NFE2L2: variants seen among roughly 807,000 people sequenced by gnomAD.
NFE2L2 encodes the protein NFE2 like bZIP transcription factor 2, also known as nuclear factor erythroid 2-related factor 2.
NFE2L2 carries 20 observed loss-of-function variants against 49.6 expected under a neutral mutation model. The ratio of observed to expected loss-of-function variants is 0.40; its 90% CI spans 0.28 to 0.59. NFE2L2 has a LOEUF of 0.59. Among genes scored for constraint, NFE2L2 ranks in the 20% least tolerant of loss-of-function variants. The pLI, the probability that NFE2L2 is intolerant of heterozygous loss-of-function variation, is 0.40. For missense variants in NFE2L2, 578 were observed against 714.2 expected, an observed-to-expected ratio of 0.81 and a Z score of 2.17; for synonymous variants, 244 against 256.5, an observed-to-expected ratio of 0.95 and a Z score of 0.47.
In NFE2L2 at chr2:177,233,247, C is replaced by T. The variant is rs2105456710; in HGVS notation, c.402+3G>A. On this transcript the variant is annotated splice_donor_region_variant and intron_variant, in intron 3 of 4. Transcript: ENST00000397062. ...CTATTAACCAGGTTATTTTATACCT[C>T]ACCTCATTGTCATCTACAAACGGGA... is the stretch of plus-strand genomic sequence containing the variant. 1 of 1,582,676 alleles carries T rather than the reference C, an allele frequency of 6.3e-7. No individual in the cohort carries two copies. Among genetic ancestry groups the T allele is most frequent in the Non-Finnish European group, 8.5e-7 (1 of 1,170,310 alleles).
intron 1 of NFE2L2, among the ~76,000 whole-genome samples, chr2:177,262,617 G>C (rs1290904866): frequency 6.6e-6 from 1 of 152,098 alleles, no homozygotes; most frequent in East Asian, 1.9e-4. Context: ...TGATTACAAA[G>C]GTAGAAAAGC....
intron 1 of NFE2L2, among the ~76,000 whole-genome samples, chr2:177,248,408 C>T (rs1219230056): frequency 5.3e-5 from 8 of 152,208 alleles, no homozygotes; most frequent in African/African-American, 1.9e-4. Context: ...CTGACCTGTA[C>T]TCTGTTTCTT....
chr2:177,243,246 C>A (rs1479543521), intron 1 of NFE2L2, among the ~76,000 whole-genome samples: 2 of 152,170 alleles, frequency 1.3e-5, no homozygotes, highest in African/African-American at 4.8e-5. Flanking sequence ...CTTTACCAAA[C>A]CTCCATAGAA....
At chr2:177,256,280 G>A (rs1439058483) in intron 1 of NFE2L2, among the ~76,000 whole-genome samples, 1 of 152,010 alleles carries the variant, frequency 6.6e-6, no homozygotes, top group East Asian at 1.9e-4. Flanking sequence ...AGTCCCTCAG[G>A]CAGGGAATAG....
chr2:177,233,673 ACAGTAACGC>A (rs2105457346), intron 2 of NFE2L2: 7 of 505,018 alleles, frequency 1.4e-5, no homozygotes, highest in Non-Finnish European at 2.1e-5. Context: ...CTTGCCACAC[ACAGTAACGC>A]CAGTAATCCC....
chr2:177,240,237 A>C (rs901343154), intron 1 of NFE2L2, among the ~76,000 whole-genome samples: 1 of 152,238 alleles, frequency 6.6e-6, no homozygotes, highest in East Asian at 1.9e-4. Flanking sequence ...TCTTCTGCAC[A>C]GAAATCCAGG....
At chr2:177,241,526 G>A (rs1689936538) in intron 1 of NFE2L2, among the ~76,000 whole-genome samples, 2 of 152,146 alleles carry the variant, frequency 1.3e-5, no homozygotes, top group Non-Finnish European at 2.9e-5. Context: ...ATATGAGGCT[G>A]CAAAAATATT....
At position 177,231,630 on chromosome 2, in the gene NFE2L2, A is replaced by C. The variant is rs1469761584; in HGVS notation, c.973T>G (p.Cys325Gly). Residue 325 changes from cysteine to glycine, a missense_variant, in exon 5 of 5, where the codon TGC becomes GGC. Physicochemically the swap from Cys to Gly is radical, Grantham distance 159. This residue lies in a region of NFE2L2 where 368 missense variants were observed against 384.6 expected (regional missense o/e 0.96). Transcript: ENST00000397062. Reference sequence around the variant, plus strand: ...GGGTGGTTTTGGTTGAAAGCTTTGCAAAGTGATAGATCAGAAACATCAATG... The same window carrying C: ...GGGTGGTTTTGGTTGAAAGCTTTGCCAAGTGATAGATCAGAAACATCAATG... ...GPIDVSDLSL[C>G]KAFNQNHPES... 1 of 1,614,220 alleles carries C rather than the reference A, an allele frequency of 6.2e-7. No individual in the cohort carries two copies. The highest frequency in any genetic ancestry group is 1.7e-5 in the Admixed American group (1 of 60,026).
In NFE2L2 at chr2:177,231,001, A is replaced by G. The variant is rs376346810; in HGVS notation, c.1602T>C (p.Asp534=). The G allele has an allele frequency of 9.3e-6, 15 of 1,608,482 alleles. No individual in the cohort carries two copies. In the African/African-American group the frequency reaches 1.5e-4, roughly 16 times the overall value. ...ELEQDLDHLK[D]EKEKLLKEKG... is the part of the protein sequence containing the mutation. ...TTTCTTTGAGCAATTTTTCTTTTTC[A>G]TCTTTCAAATGATCTAAATCTTGCT... Residue 534 remains aspartate, a synonymous_variant, in exon 5 of 5, where the codon GAT becomes GAC. Coordinates refer to ENST00000397062, the MANE Select transcript of NFE2L2 (RefSeq NM_006164.5).
chr2:177,255,555 G>C (rs1429399168), intron 1 of NFE2L2, among the ~76,000 whole-genome samples: 5 of 152,024 alleles, frequency 3.3e-5, no homozygotes, highest in Admixed American at 6.6e-5. Context: ...AGTCCACTAG[G>C]GTTGATTTTT....
At chr2:177,235,817 G>A (rs1341097490) in intron 1 of NFE2L2, among the ~76,000 whole-genome samples, 1 of 152,142 alleles carries the variant, frequency 6.6e-6, no homozygotes, top group Non-Finnish European at 1.5e-5. Context: ...ACAAGACCCT[G>A]TTTCACACAC....
intron 4 of NFE2L2, 43 bp downstream of exon 4, chr2:177,232,349 G>T (rs1376009499): frequency 1.9e-6 from 3 of 1,542,906 alleles, no homozygotes; most frequent in Admixed American, 3.8e-5. Context: ...TAAAGGCACT[G>T]AATATAAAAA....
At chr2:177,235,204 T>C (rs1253155963) in intron 1 of NFE2L2, among the ~76,000 whole-genome samples, 1 of 151,914 alleles carries the variant, frequency 6.6e-6, no homozygotes, top group African/African-American at 2.4e-5. Context: ...GGCAGGTGGA[T>C]TGCTTGAGCC....
chr2:177,252,124 A>C (rs1690364171), intron 1 of NFE2L2, among the ~76,000 whole-genome samples: 1 of 152,126 alleles, frequency 6.6e-6, no homozygotes, highest in Non-Finnish European at 1.5e-5. Context: ...TGTTAATTCT[A>C]GGAAGATGAT....
At chr2:177,247,959 C>T (rs926661189) in intron 1 of NFE2L2, among the ~76,000 whole-genome samples, 3 of 152,214 alleles carry the variant, frequency 2.0e-5, no homozygotes, top group Admixed American at 6.5e-5. Context: ...ACAAGGCAGA[C>T]TTGAAAAAGC....
chr2:177,258,557 G>A (rs1034498442), intron 1 of NFE2L2, among the ~76,000 whole-genome samples: 1 of 152,064 alleles, frequency 6.6e-6, no homozygotes, highest in Non-Finnish European at 1.5e-5. Context: ...AAATTCATAG[G>A]GTTGCATAAC....
chr2:177,232,229 T>G, intron 4 of NFE2L2, 163 bp downstream of exon 4: 1 of 904,814 alleles, frequency 1.1e-6, no homozygotes, highest in Non-Finnish European at 1.6e-6. Context: ...TAACATTCTA[T>G]CCTCAAGATG....
intron 3 of NFE2L2, 188 bp downstream of exon 3, chr2:177,233,062 C>A: frequency 3.9e-6 from 2 of 508,954 alleles, no homozygotes; most frequent in East Asian, 3.5e-5. Context: ...TTTTTTTTTT[C>A]TTAATTGTAA....
At chr2:177,232,128 A>C in intron 4 of NFE2L2, 120 bp from the exon 5 acceptor site, 1 of 1,052,384 alleles carries the variant, frequency 9.5e-7, no homozygotes, top group Non-Finnish European at 1.4e-6. Flanking sequence ...TTTATTATCT[A>C]TAATTCAGAG....
Sources: gnomAD v4.1 joint callset for allele counts (sites outside exome capture counted in the v4.1 genomes callset) on GRCh38, gnomAD v4.1.1 for gene constraint, gnomAD v4.1.1 regional missense constraint, MANE v1.5 for transcripts, NCBI Gene and HGNC (gene_info 2026-07-23, HGNC 2026-07-21) for gene names.